Variants in COMMD10 observed in about 807,000 individuals in gnomAD.
COMMD10 encodes COMM domain-containing protein 10.
Under a neutral mutation model 28.9 loss-of-function variants are expected in COMMD10, and 33 were observed. The observed-to-expected ratio is 1.14, with a 90% CI of 0.87 to 1.53. COMMD10 has a LOEUF of 1.53. COMMD10 is among the 40% of genes most tolerant of loss of function. The probability of loss-of-function intolerance (pLI) is 0.00; values close to 1 mark genes in which losing one functional copy is unlikely to be tolerated. For synonymous variants in COMMD10, 110 were observed against 81.7 expected, an observed-to-expected ratio of 1.35 and a Z score of -1.87; for missense variants, 310 against 233.4, an observed-to-expected ratio of 1.33 and a Z score of -2.14.
chr5:116,273,468 C>T (rs1750812258), intron 5 of COMMD10, among the ~76,000 whole-genome samples: 1 of 151,712 alleles, frequency 6.6e-6, no homozygotes, highest in Non-Finnish European at 1.5e-5. Context: ...TAAAACAATT[C>T]TACAAAACAA....
intron 5 of COMMD10, among the ~76,000 whole-genome samples, chr5:116,251,847 T>C (rs1218835973): frequency 1.3e-5 from 2 of 152,156 alleles, no homozygotes. Flanking sequence ...TTTCTAGTTC[T>C]AGATCCCTGA....
chr5:116,157,954 T>C (rs1036678901), intron 5 of COMMD10, among the ~76,000 whole-genome samples: 3 of 150,358 alleles, frequency 2.0e-5, no homozygotes, highest in South Asian at 2.1e-4. Context: ...TTTTTTTTTT[T>C]AGTCAACCAT....
intron 5 of COMMD10, among the ~76,000 whole-genome samples, chr5:116,263,744 G>A (rs2112688405): frequency 6.6e-6 from 1 of 151,856 alleles, no homozygotes; most frequent in East Asian, 1.9e-4. Context: ...CCTATAGCCT[G>A]GAAGCTCCCC....
chr5:116,269,853 G>A (rs1307151660), intron 5 of COMMD10, among the ~76,000 whole-genome samples: 1 of 151,746 alleles, frequency 6.6e-6, no homozygotes, highest in Non-Finnish European at 1.5e-5. Context: ...AGAGGAATAA[G>A]GGATGAGGAT....
At chr5:116,241,813 T>G (rs767058968) in intron 5 of COMMD10, among the ~76,000 whole-genome samples, 72 of 151,908 alleles carry the variant, frequency 4.7e-4, no homozygotes, top group Non-Finnish European at 8.7e-4. Context: ...GAGACGGGAT[T>G]TCACCATGTT....
intron 5 of COMMD10, among the ~76,000 whole-genome samples, chr5:116,220,164 T>C (rs1749209397): frequency 6.6e-6 from 1 of 152,170 alleles, no homozygotes. Context: ...TTTTTTAAGA[T>C]AATAAGACAT....
chr5:116,242,760 A>T (rs1580576195), intron 5 of COMMD10, among the ~76,000 whole-genome samples: 1 of 152,208 alleles, frequency 6.6e-6, no homozygotes, highest in African/African-American at 2.4e-5. Context: ...TAGAGGGGAG[A>T]GGGTTCTGTA....
At chr5:116,169,727 A>G (rs1337549396) in intron 5 of COMMD10, among the ~76,000 whole-genome samples, 1 of 152,252 alleles carries the variant, frequency 6.6e-6, no homozygotes, top group Non-Finnish European at 1.5e-5. Context: ...AACAGAACCA[A>G]TGACAAAAAC....
At chr5:116,133,297 C>T (rs1157505974) in intron 4 of COMMD10, among the ~76,000 whole-genome samples, 1 of 152,220 alleles carries the variant, frequency 6.6e-6, no homozygotes, top group Non-Finnish European at 1.5e-5. Flanking sequence ...TATAAAGTCA[C>T]ATCTGTGCTC....
chr5:116,257,688 T>C (rs1055734570), intron 5 of COMMD10, among the ~76,000 whole-genome samples: 2 of 151,732 alleles, frequency 1.3e-5, no homozygotes, highest in Non-Finnish European at 2.9e-5. Context: ...CGATCAGCTC[T>C]TTTCAAAATT....
chr5:116,167,915 C>A (rs937562531), intron 5 of COMMD10, among the ~76,000 whole-genome samples: 2 of 152,118 alleles, frequency 1.3e-5, no homozygotes, highest in African/African-American at 2.4e-5. Context: ...TATGAAGAAA[C>A]TGCATCAACT....
chr5:116,219,708 G>A (rs1440255246), intron 5 of COMMD10, among the ~76,000 whole-genome samples: 1 of 152,158 alleles, frequency 6.6e-6, no homozygotes, highest in Non-Finnish European at 1.5e-5. Flanking sequence ...AAGCTATTGA[G>A]TTTGTAGTAA....
chr5:116,279,889 T>C (rs1006274422), intron 5 of COMMD10, among the ~76,000 whole-genome samples: 4 of 151,794 alleles, frequency 2.6e-5, no homozygotes, highest in Non-Finnish European at 5.9e-5. Context: ...TTTATCAAAA[T>C]ACCCTCAGCA....
intron 1 of COMMD10, 37 bp downstream of exon 1, chr5:116,085,130 C>T (rs1750045538): frequency 6.3e-7 from 1 of 1,593,184 alleles, no homozygotes; most frequent in Non-Finnish European, 8.5e-7. Context: ...TAGCCGCGCC[C>T]AGGAAGGCCC....
At chr5:116,263,667 C>T (rs570708395) in intron 5 of COMMD10, among the ~76,000 whole-genome samples, 2 of 151,828 alleles carry the variant, frequency 1.3e-5, no homozygotes, top group East Asian at 1.9e-4. Flanking sequence ...CTTGAACATT[C>T]CTTTCCATTG....
chr5:116,232,905 A>G (rs1317962716), intron 5 of COMMD10, among the ~76,000 whole-genome samples: 2 of 152,206 alleles, frequency 1.3e-5, no homozygotes, highest in Non-Finnish European at 2.9e-5. Flanking sequence ...TACATGTAGA[A>G]GGTCACACAA....
At chr5:116,155,880 T>C (rs1199991812) in intron 5 of COMMD10, among the ~76,000 whole-genome samples, 2 of 152,102 alleles carry the variant, frequency 1.3e-5, no homozygotes, top group Admixed American at 6.6e-5. Flanking sequence ...TTAAATTTAA[T>C]ATATCACATT....
At chr5:116,249,989 A>T (rs1056655087) in intron 5 of COMMD10, among the ~76,000 whole-genome samples, 1 of 151,886 alleles carries the variant, frequency 6.6e-6, no homozygotes, top group East Asian at 1.9e-4. Context: ...AGATTGTTCA[A>T]GTTTTATATT....
intron 5 of COMMD10, among the ~76,000 whole-genome samples, chr5:116,193,141 A>G (rs187302846): frequency 1.2e-4 from 19 of 152,348 alleles, no homozygotes; most frequent in Admixed American, 1.2e-3. Context: ...AGCCACCACT[A>G]CAGGAACTGC....
Sources: gnomAD v4.1 joint callset for allele counts (sites outside exome capture counted in the v4.1 genomes callset) on GRCh38, gnomAD v4.1.1 for gene constraint, MANE v1.5 for transcripts, NCBI Gene and HGNC (gene_info 2026-07-23, HGNC 2026-07-21) for gene names.